Variants in IFT57 observed in about 807,000 individuals in gnomAD.
The protein encoded by IFT57 is intraflagellar transport protein 57 homolog.
IFT57 carries 59 observed loss-of-function variants against 56.8 expected under a neutral mutation model. The observed-to-expected ratio is 1.04, with a 90% CI of 0.84 to 1.29. The LOEUF (loss-of-function observed/expected upper bound fraction) is 1.29. Among genes scored for constraint, IFT57 ranks in the 50% most tolerant of loss-of-function variants. IFT57 has a pLI of 0.00. For synonymous variants in IFT57, 209 were observed against 186.1 expected, an observed-to-expected ratio of 1.12 and a Z score of -1.00; for missense variants, 470 against 522.1, an observed-to-expected ratio of 0.90 and a Z score of 0.97.
At chr3:108,176,466 T>C (rs1413210105) in intron 6 of IFT57, among the ~76,000 whole-genome samples, 2 of 151,812 alleles carry the variant, frequency 1.3e-5, no homozygotes, top group African/African-American at 4.8e-5. Flanking sequence ...TCATTTCCTT[T>C]CTTTGTCACC....
chr3:108,191,657 G>T lies in IFT57; in HGVS notation c.655-14C>A. 1 of 1,588,870 alleles carries T rather than the reference G, an allele frequency of 6.3e-7. No individual in the cohort carries two copies. The highest frequency in any genetic ancestry group is 8.6e-7 in the Non-Finnish European group (1 of 1,166,730). On this transcript the variant is annotated splice_polypyrimidine_tract_variant and intron_variant, in intron 5 of 10. Coordinates refer to ENST00000264538, the MANE Select transcript of IFT57 (RefSeq NM_018010.4). Reference sequence around the variant, plus strand: ...CTCGTTCATATCCTAAGAAAGGAAAGATATCACAAGATTGAGAGTTTATAA... The same window carrying T: ...CTCGTTCATATCCTAAGAAAGGAAATATATCACAAGATTGAGAGTTTATAA...
chr3:108,207,938 G>A (rs2080322369), intron 4 of IFT57, among the ~76,000 whole-genome samples: 1 of 152,064 alleles, frequency 6.6e-6, no homozygotes, highest in Admixed American at 6.6e-5. Flanking sequence ...AGCTACACGG[G>A]AGGCTGAGGC....
intron 4 of IFT57, among the ~76,000 whole-genome samples, chr3:108,212,750 T>C (rs188864255): frequency 7.4e-4 from 112 of 152,378 alleles, no homozygotes; most frequent in Non-Finnish European, 1.3e-3. Flanking sequence ...TTAAATACTA[T>C]ACTATACTAA....
At chr3:108,203,219 G>A (rs1044526695) in intron 5 of IFT57, among the ~76,000 whole-genome samples, 2 of 152,194 alleles carry the variant, frequency 1.3e-5, no homozygotes, top group Non-Finnish European at 2.9e-5. Context: ...TCTTTGTCAG[G>A]CCCGTATCAC....
intron 4 of IFT57, among the ~76,000 whole-genome samples, chr3:108,208,987 A>G (rs2080328692): frequency 6.6e-6 from 1 of 152,198 alleles, no homozygotes. Context: ...CAGACACTTC[A>G]GGAATAAAGG....
At chr3:108,212,123 C>T (rs1250489563) in intron 4 of IFT57, among the ~76,000 whole-genome samples, 1 of 152,164 alleles carries the variant, frequency 6.6e-6, no homozygotes, top group African/African-American at 2.4e-5. Context: ...GTTAGGACTA[C>T]AGGCATGCAC....
chr3:108,171,472 CA>C (rs1211299935), intron 6 of IFT57, among the ~76,000 whole-genome samples: 1 of 151,802 alleles, frequency 6.6e-6, no homozygotes, highest in Admixed American at 6.6e-5. Flanking sequence ...GTTTCATGAG[CA>C]AAAAGTATCG....
At chr3:108,206,427 C>G (rs1347698788) in intron 5 of IFT57, among the ~76,000 whole-genome samples, 1 of 151,928 alleles carries the variant, frequency 6.6e-6, no homozygotes, top group African/African-American at 2.4e-5. Flanking sequence ...ATAATACAGA[C>G]AGGAGGCTGC....
At chr3:108,176,751 T>C (rs1156232639) in intron 6 of IFT57, among the ~76,000 whole-genome samples, 1 of 151,876 alleles carries the variant, frequency 6.6e-6, no homozygotes, top group Non-Finnish European at 1.5e-5. Flanking sequence ...TTATCCACTT[T>C]AGTTACTTAG....
Position 108,161,828 on chromosome 3 carries a change from G to A in IFT57, c.*649C>T, listed in dbSNP as rs1165634134. 2 of 152,170 alleles carry A rather than the reference G, an allele frequency of 1.3e-5. No homozygotes were observed. The highest frequency in any genetic ancestry group is 6.6e-5 in the Admixed American group (1 of 15,260). 9.4% of individuals were successfully genotyped at this position (152,170 alleles called of 1,614,324 possible). ...ACCTTCTCTTCATTCTAAGAACAGAGTCAAACATGAGTGACTGACTTATCA... is the reference window on the plus strand; with the variant it reads ...ACCTTCTCTTCATTCTAAGAACAGAATCAAACATGAGTGACTGACTTATCA... On this transcript the variant is annotated 3_prime_UTR_variant, in exon 11 of 11. Transcript: ENST00000264538.
chr3:108,185,499 A>T (rs753160877), intron 6 of IFT57, among the ~76,000 whole-genome samples: 1 of 152,070 alleles, frequency 6.6e-6, no homozygotes, highest in Non-Finnish European at 1.5e-5. Flanking sequence ...TGTTATGAAA[A>T]AAAGAAAAAG....
chr3:108,200,962 A>G (rs1490175674), intron 5 of IFT57, among the ~76,000 whole-genome samples: 2 of 152,196 alleles, frequency 1.3e-5, no homozygotes, highest in South Asian at 4.1e-4. Context: ...AAGGTAAAAA[A>G]TTATACAAAA....
chr3:108,202,481 G>A (rs1038148637), intron 5 of IFT57, among the ~76,000 whole-genome samples: 2 of 152,050 alleles, frequency 1.3e-5, no homozygotes, highest in African/African-American at 2.4e-5. Flanking sequence ...ACTTTAATTC[G>A]GCACCAGTGT....
At chr3:108,208,958 G>C (rs1028403511) in intron 4 of IFT57, among the ~76,000 whole-genome samples, 1 of 152,110 alleles carries the variant, frequency 6.6e-6, no homozygotes, top group African/African-American at 2.4e-5. Context: ...CCAAATCCAG[G>C]CAGGTCTACT....
chr3:108,213,747 A>G (rs1467291345), intron 4 of IFT57, 184 bp downstream of exon 4: 2 of 506,540 alleles, frequency 3.9e-6, no homozygotes, highest in East Asian at 6.1e-5. Context: ...CAATCATTAG[A>G]GAATACAAAC....
At chr3:108,197,778 G>A (rs111394398) in intron 5 of IFT57, among the ~76,000 whole-genome samples, 1,967 of 152,204 alleles carry the variant, frequency 0.013, 39 homozygotes, top group African/African-American at 0.046. Flanking sequence ...AAGAGGATGG[G>A]TCTGGAATCA....
intron 6 of IFT57, among the ~76,000 whole-genome samples, chr3:108,180,845 C>T (rs184684860): frequency 6.6e-6 from 1 of 152,072 alleles, no homozygotes; most frequent in East Asian, 1.9e-4. Context: ...TTTTAAAAAA[C>T]AAATCATTCT....
At chr3:108,188,785 A>G (rs1473264447) in intron 6 of IFT57, among the ~76,000 whole-genome samples, 1 of 152,210 alleles carries the variant, frequency 6.6e-6, no homozygotes, top group Non-Finnish European at 1.5e-5. Flanking sequence ...TTTGACCTGC[A>G]CATAGTTTTG....
chr3:108,170,229 T>C (rs1392039536), intron 6 of IFT57, among the ~76,000 whole-genome samples: 2 of 152,034 alleles, frequency 1.3e-5, no homozygotes, highest in East Asian at 1.9e-4. Flanking sequence ...GCAGATAACA[T>C]AATTGCATAT....
Sources: allele counts gnomAD v4.1 joint callset (sites outside exome capture counted in the v4.1 genomes callset), GRCh38; gene constraint gnomAD v4.1.1; transcripts MANE v1.5; gene names NCBI Gene and HGNC (gene_info 2026-07-23, HGNC 2026-07-21).